The following HIP1 variants were observed in gnomAD, a reference collection of about 807,000 sequenced individuals.
HIP1 encodes the protein huntingtin-interacting protein 1.
A neutral mutation model predicts 147.6 loss-of-function variants in HIP1; 65 were observed. The ratio of observed to expected loss-of-function variants is 0.44; its 90% confidence interval spans 0.36 to 0.54. The LOEUF is 0.54. Among genes scored for constraint, HIP1 ranks in the 20% least tolerant of loss-of-function variants. HIP1 has a pLI of 0.00. For synonymous variants in HIP1, 479 were observed against 504.0 expected, an observed-to-expected ratio of 0.95 and a Z score of 0.67; for missense variants, 1,061 against 1,299.6, an observed-to-expected ratio of 0.82 and a Z score of 2.82.
At chr7:75,590,076 G>A (rs967699757) in intron 4 of HIP1, among the ~76,000 whole-genome samples, 3 of 152,110 alleles carry the variant, frequency 2.0e-5, no homozygotes, top group African/African-American at 2.4e-5. Flanking sequence ...TCAGCCACCA[G>A]TAGGCTCTCA....
chr7:75,731,321 A>G (rs1801830195), intron 1 of HIP1, among the ~76,000 whole-genome samples: 1 of 151,640 alleles, frequency 6.6e-6, no homozygotes, highest in Non-Finnish European at 1.5e-5. Context: ...CGTCTCTACT[A>G]AAAATACAAA....
intron 1 of HIP1, among the ~76,000 whole-genome samples, chr7:75,637,302 T>C (rs1554509810): frequency 6.6e-6 from 1 of 152,232 alleles, no homozygotes; most frequent in South Asian, 2.1e-4. Context: ...CTGAGTCCTA[T>C]AAGCTTGTCC....
At position 75,562,100 on chromosome 7, in the gene HIP1, C is replaced by T; in HGVS notation, c.1091G>A (p.Ser364Asn). ...SFSSDPFNFN[S>N]QNGVNKDEKD... ...CTCATCCTTGTTCACACCATTTTGACTGTTGAAATTGAAGGGATCACTGCT... is the reference window on the plus strand; with the variant it reads ...CTCATCCTTGTTCACACCATTTTGATTGTTGAAATTGAAGGGATCACTGCT... Residue 364 changes from serine (S) to asparagine (N), a missense_variant, in exon 12 of 31, where the codon AGT becomes AAT. Transcript: ENST00000336926. The T allele has an allele frequency of 6.2e-7, 1 of 1,612,314 alleles. No individual in the cohort carries two copies. Among genetic ancestry groups the T allele is most frequent in the Non-Finnish European group, 8.5e-7 (1 of 1,178,386 alleles).
At position 75,556,770 on chromosome 7, in the gene HIP1, T is replaced by C; in HGVS notation, c.1623A>G (p.Glu541=). The part of the protein sequence containing the change: ...QLEVLESLKQ[E]LATSQRELQV... ...GAAGCTCCCGTTGGCTTGTGGCAAG[T>C]TCCTGCTTCAAGCTCTCTAGAACTT... Residue 541 remains glutamate, a synonymous_variant, in exon 17 of 31, where the codon GAA becomes GAG. Transcript: ENST00000336926. 6.2e-7 allele frequency: 1 copy of C among 1,613,622 alleles called. No individual in the cohort carries two copies. Among genetic ancestry groups the C allele is most frequent in the South Asian group, 1.1e-5 (1 of 91,078 alleles).
chr7:75,595,243 T>TTCCTTCCTTCCTTCCTTC (rs1796670489), intron 2 of HIP1, among the ~76,000 whole-genome samples: 42 of 104,802 alleles, frequency 4.0e-4, no homozygotes, highest in Admixed American at 3.8e-4. Flanking sequence ...TTTCTTTCTT[T>TTCCTTCCTTCCTTCCTTC]CTTTCTTTCT....
chr7:75,690,894 A>G (rs1377798718), intron 1 of HIP1, among the ~76,000 whole-genome samples: 4 of 152,148 alleles, frequency 2.6e-5, no homozygotes, highest in African/African-American at 7.2e-5. Context: ...GAATTGCTAT[A>G]CGACCCAGCA....
intron 1 of HIP1, among the ~76,000 whole-genome samples, chr7:75,700,767 G>C (rs1372843777): frequency 6.6e-6 from 1 of 151,304 alleles, no homozygotes; most frequent in Admixed American, 6.6e-5. Context: ...GTGCAGTGGC[G>C]CGATCTCGGC....
chr7:75,636,350 CAA>C (rs587671233), intron 1 of HIP1, among the ~76,000 whole-genome samples: 92 of 117,014 alleles, frequency 7.9e-4, no homozygotes, highest in Admixed American at 9.6e-4. Flanking sequence ...GACTCTGTCT[CAA>C]AAAAAAAAAA....
chr7:75,555,286 G>T (rs587718810), intron 19 of HIP1, 130 bp downstream of exon 19: 2 of 958,264 alleles, frequency 2.1e-6, no homozygotes, highest in Non-Finnish European at 3.1e-6. Context: ...GGGCCTGGGC[G>T]CCCCTAAGGT....
At chr7:75,651,046 T>C (rs1391063604) in intron 1 of HIP1, among the ~76,000 whole-genome samples, 1 of 152,026 alleles carries the variant, frequency 6.6e-6, no homozygotes, top group African/African-American at 2.4e-5. Flanking sequence ...CACATTTCTT[T>C]TTGAGAGCCA....
chr7:75,624,434 T>C (rs1449173702), intron 1 of HIP1, among the ~76,000 whole-genome samples: 2 of 151,208 alleles, frequency 1.3e-5, no homozygotes, highest in African/African-American at 4.9e-5. Flanking sequence ...CTTAGGGGAG[T>C]GGGGGGAAAA....
rs367980937 is a variant in HIP1 at position 75,553,445 on chromosome 7, C to A, written c.2295+8G>T. ...AACAATGCTCCTCAATGATACTACT[C>A]CAAGTACCTCGCCGATGGCCTTGAT... On this transcript the variant is annotated splice_region_variant and intron_variant, in intron 22 of 30. Coordinates refer to ENST00000336926, the MANE Select transcript of HIP1 (RefSeq NM_005338.7). 5 of 1,613,472 alleles carry A rather than the reference C, an allele frequency of 3.1e-6. No individual in the cohort carries two copies. Among genetic ancestry groups the A allele is most frequent in the African/African-American group, 2.7e-5 (2 of 74,944 alleles).
Position 75,556,751 on chromosome 7 carries a change from C to T in HIP1, c.1642G>A (p.Glu548Lys), listed in dbSNP as rs781891906. The T allele has an allele frequency of 2.5e-6, 4 of 1,613,664 alleles. No homozygotes were observed. The highest frequency in any genetic ancestry group is 3.4e-6 in the Non-Finnish European group (4 of 1,179,748). The change falls in exon 17 of 31, where the codon GAG (glutamate) becomes AAG (lysine). Residue 548 changes from glutamate (E) to lysine (K), a missense_variant. Around this residue, in one of 3 missense-constraint regions of HIP1, gnomAD observed 810 missense variants for 946.8 expected, o/e 0.86. Transcript: ENST00000336926. ...AGGCTGCCTTGCAGAACCTGAAGCT[C>T]CCGTTGGCTTGTGGCAAGTTCCTGC... The part of the protein sequence containing the change: ...LKQELATSQR[E>K]LQVLQGSLET...
intron 16 of HIP1, among the ~76,000 whole-genome samples, chr7:75,557,177 T>C (rs1321296503): frequency 6.6e-6 from 1 of 152,036 alleles, no homozygotes; most frequent in Non-Finnish European, 1.5e-5. Flanking sequence ...CAGCTGGGAC[T>C]ACGGGCACAC....
rs187053856 is a variant in HIP1 at position 75,544,320 on chromosome 7, C to T, written c.2766+375G>A. ...ATCCCATCATCCAAGTACTATCTAA[C>T]CTAGCCAAGTACTCTCTAACTCCTA... On this transcript the variant is annotated intron_variant, in intron 27 of 30. Transcript: ENST00000336926. Among the ~76,000 whole-genome samples, 377 of 152,270 alleles carry T rather than the reference C, an allele frequency of 2.5e-3. 1 individual carries two copies. The highest frequency in any genetic ancestry group is 3.9e-3 in the Non-Finnish European group (265 of 68,024).
chr7:75,733,380 G>T (rs1554523283), intron 1 of HIP1: 1 of 152,326 alleles, frequency 6.6e-6, no homozygotes, highest in African/African-American at 2.4e-5. Flanking sequence ...TCCTGATAAG[G>T]TCTCCTTATT....
chr7:75,718,254 G>A (rs1254914254), intron 1 of HIP1, among the ~76,000 whole-genome samples: 1 of 152,146 alleles, frequency 6.6e-6, no homozygotes, highest in Non-Finnish European at 1.5e-5. Flanking sequence ...CTATGTGGGA[G>A]GCTGAGGTGG....
chr7:75,590,609 T>C lies in HIP1; in HGVS notation c.384+1447A>G, dbSNP rs587743841. ...AGTTAAAAGACAAAGACTACCATCC[T>C]GGATAAAAAAACAACAACCACAAAC... On this transcript the variant is annotated intron_variant, in intron 4 of 30. Transcript: ENST00000336926. 2.6e-5 allele frequency among the ~76,000 whole-genome samples: 4 copies of C among 152,290 alleles called. No homozygotes were observed. In the South Asian group the frequency reaches 8.3e-4, roughly 32 times the overall value.
chr7:75,582,053 G>C, intron 6 of HIP1, 22 bp downstream of exon 6: 2 of 1,602,292 alleles, frequency 1.2e-6, no homozygotes, highest in South Asian at 1.1e-5. Flanking sequence ...CCCTCCCTGG[G>C]CTCAGGGCAG....
Sources: allele counts gnomAD v4.1 joint callset (sites outside exome capture counted in the v4.1 genomes callset), GRCh38; gene constraint gnomAD v4.1.1; regional missense constraint gnomAD v4.1.1; transcripts MANE v1.5; gene names NCBI Gene and HGNC (gene_info 2026-07-23, HGNC 2026-07-21).